IGF1R: variants seen among roughly 807,000 people sequenced by gnomAD.
IGF1R encodes the protein insulin-like growth factor 1 receptor.
Under a neutral mutation model 144.6 loss-of-function variants are expected in IGF1R, and 44 were observed. That is an observed-to-expected ratio of 0.30 (90% CI 0.24 to 0.39). IGF1R has a LOEUF of 0.39. Ranked by LOEUF, IGF1R falls within the 10% of genes least tolerant of loss-of-function variation. The probability of loss-of-function intolerance (pLI) is 1.00; values close to 1 mark genes in which losing one functional copy is unlikely to be tolerated. For missense variants in IGF1R, 1,355 were observed against 1,833.7 expected (o/e 0.74, Z 4.77); for synonymous variants, 795 against 722.8 (o/e 1.10, Z -1.60).
At chr15:98,753,838 T>G (rs1030262754) in intron 2 of IGF1R, among the ~76,000 whole-genome samples, 1 of 152,212 alleles carries the variant, frequency 6.6e-6, no homozygotes, top group African/African-American at 2.4e-5. Flanking sequence ...CTCTTGTATG[T>G]GAGTTCCTTC....
At chr15:98,844,044 G>A (rs1056913420) in intron 2 of IGF1R, among the ~76,000 whole-genome samples, 3 of 152,164 alleles carry the variant, frequency 2.0e-5, no homozygotes, top group African/African-American at 7.2e-5. Flanking sequence ...TATGTAAGTG[G>A]CATTAGATAA....
At chr15:98,840,728 T>C (rs1207639635) in intron 2 of IGF1R, among the ~76,000 whole-genome samples, 1 of 149,634 alleles carries the variant, frequency 6.7e-6, no homozygotes, top group South Asian at 2.1e-4. Flanking sequence ...GAGGTTGGAG[T>C]GCAGTGGTGC....
At chr15:98,925,036 G>C (rs891766471) in intron 13 of IGF1R, among the ~76,000 whole-genome samples, 7 of 151,208 alleles carry the variant, frequency 4.6e-5, no homozygotes, top group Admixed American at 2.0e-4. Context: ...ATAAAGCATT[G>C]AATTGACCAT....
rs2017023829 is a variant in IGF1R at position 98,957,142 on chromosome 15, G to A, written c.3804G>A (p.Glu1268=). The A allele has an allele frequency of 1.2e-6, 2 of 1,614,268 alleles. No homozygotes were observed. The highest frequency in any genetic ancestry group is 1.3e-5 in the African/African-American group (1 of 75,070). Residue 1268 remains glutamate (E), a synonymous_variant, in exon 21 of 21, where the codon GAG becomes GAA. Coordinates refer to ENST00000650285, the MANE Select transcript of IGF1R (RefSeq NM_000875.5). ...SFLEIISSIK[E]EMEPGFREVS... is the part of the protein sequence containing the mutation. ...TGGAGATCATCAGCAGCATCAAAGA[G>A]GAGATGGAGCCTGGCTTCCGGGAGG...
In IGF1R at chr15:98,896,793, G is replaced by A. The variant is rs2151652322; in HGVS notation, c.990G>A (p.Lys330=). ...YCIPCEGPCP[K]VCEEEKKTKT... ...TCCCTTGTGAAGGTCCTTGCCCGAAGGTCTGTGAGGAAGAAAAGAAAACAA... is the reference window on the plus strand; with the variant it reads ...TCCCTTGTGAAGGTCCTTGCCCGAAAGTCTGTGAGGAAGAAAAGAAAACAA... Residue 330 remains lysine, a synonymous_variant, in exon 4 of 21, where the codon AAG becomes AAA. Coordinates refer to ENST00000650285, the MANE Select transcript of IGF1R (RefSeq NM_000875.5). 2 of 1,613,818 alleles carry A rather than the reference G, an allele frequency of 1.2e-6. No homozygotes were observed. The highest frequency in any genetic ancestry group is 1.7e-6 in the Non-Finnish European group (2 of 1,179,976).
intron 2 of IGF1R, among the ~76,000 whole-genome samples, chr15:98,768,086 C>T (rs1209766772): frequency 6.6e-6 from 1 of 152,042 alleles, no homozygotes. Flanking sequence ...AGCTAACTTG[C>T]TAGAGGAAAC....
At chr15:98,656,224 A>G (rs1277607136) in intron 1 of IGF1R, among the ~76,000 whole-genome samples, 2 of 152,218 alleles carry the variant, frequency 1.3e-5, no homozygotes, top group Non-Finnish European at 2.9e-5. Flanking sequence ...GGATGGGGCC[A>G]TCACACACTG....
intron 2 of IGF1R, among the ~76,000 whole-genome samples, chr15:98,757,364 A>G (rs949176830): frequency 1.8e-4 from 27 of 152,032 alleles, no homozygotes; most frequent in African/African-American, 6.0e-4. Flanking sequence ...AGGTCTCACT[A>G]TATTGGCCAG....
intron 2 of IGF1R, among the ~76,000 whole-genome samples, chr15:98,750,095 C>G (rs1291960337): frequency 6.6e-6 from 1 of 152,112 alleles, no homozygotes; most frequent in Admixed American, 6.5e-5. Context: ...AAGTTCTTAC[C>G]TTTCTCTTTT....
At chr15:98,689,604 TTAATC>T (rs893907059) in intron 1 of IGF1R, among the ~76,000 whole-genome samples, 3 of 152,156 alleles carry the variant, frequency 2.0e-5, no homozygotes, top group African/African-American at 7.2e-5. Context: ...TCAGAAAGTA[TTAATC>T]TAAAGTATTA....
Position 98,706,483 on chromosome 15 carries a change from A to G in IGF1R, c.95-1079A>G, listed in dbSNP as rs190292930. Among the ~76,000 whole-genome samples the G allele has an allele frequency of 5.0e-3, 758 of 152,316 alleles. 8 individuals carry two copies. Among genetic ancestry groups the G allele is most frequent in the African/African-American group, 0.017 (712 of 41,578 alleles). On this transcript the variant is annotated intron_variant, in intron 1 of 20. Transcript: ENST00000650285. ...CCAGCACTTCCACTTCTAGGGATTTATCCTAAGAAAATAGTCTTGGGTATC... is the reference window on the plus strand; with the variant it reads ...CCAGCACTTCCACTTCTAGGGATTTGTCCTAAGAAAATAGTCTTGGGTATC...
At chr15:98,783,844 G>A (rs563388075) in intron 2 of IGF1R, among the ~76,000 whole-genome samples, 8 of 152,002 alleles carry the variant, frequency 5.3e-5, no homozygotes, top group African/African-American at 1.9e-4. Flanking sequence ...TCACAAAGTG[G>A]GTTTATAGAT....
chr15:98,870,368 G>C (rs1320941532), intron 2 of IGF1R, among the ~76,000 whole-genome samples: 1 of 152,206 alleles, frequency 6.6e-6, no homozygotes, highest in Non-Finnish European at 1.5e-5. Flanking sequence ...AAATGATGGG[G>C]CTGCAGGAAT....
chr15:98,868,719 C>T (rs1043491913), intron 2 of IGF1R, among the ~76,000 whole-genome samples: 6 of 152,120 alleles, frequency 3.9e-5, no homozygotes, highest in Admixed American at 2.6e-4. Context: ...AAGATGGGAA[C>T]GGCAGGCCCT....
intron 1 of IGF1R, among the ~76,000 whole-genome samples, chr15:98,698,094 C>T (rs1005267147): frequency 4.1e-5 from 6 of 145,288 alleles, no homozygotes; most frequent in Admixed American, 2.1e-4. Context: ...GCTGGAGTGC[C>T]GTGGTGCGAT....
intron 2 of IGF1R, among the ~76,000 whole-genome samples, chr15:98,861,242 T>G (rs796651428): frequency 1.2e-4 from 19 of 152,350 alleles, no homozygotes; most frequent in African/African-American, 4.6e-4. Context: ...CCTAGTTCAA[T>G]GACATAGTAT....
intron 2 of IGF1R, among the ~76,000 whole-genome samples, chr15:98,827,875 C>T (rs1459635469): frequency 6.6e-6 from 1 of 152,194 alleles, no homozygotes. Context: ...GCCACCGCGC[C>T]CGGCCTAAGA....
intron 2 of IGF1R, among the ~76,000 whole-genome samples, chr15:98,785,136 A>G (rs2055961049): frequency 6.6e-6 from 1 of 152,218 alleles, no homozygotes; most frequent in Admixed American, 6.5e-5. Context: ...TTGCAACTGG[A>G]ATTTGACTTG....
At chr15:98,749,316 C>T (rs1023790350) in intron 2 of IGF1R, among the ~76,000 whole-genome samples, 1 of 152,094 alleles carries the variant, frequency 6.6e-6, no homozygotes, top group Admixed American at 6.5e-5. Context: ...AAAGGTAAAG[C>T]TGTATCTTAA....
Sources: allele counts gnomAD v4.1 joint callset (sites outside exome capture counted in the v4.1 genomes callset), GRCh38; gene constraint gnomAD v4.1.1; transcripts MANE v1.5; gene names NCBI Gene and HGNC (gene_info 2026-07-23, HGNC 2026-07-21).